FSTL5: variants seen among roughly 807,000 people sequenced by gnomAD.
FSTL5 encodes follistatin like 5, also known as follistatin-related protein 5.
FSTL5 carries 62 observed loss-of-function variants against 89.1 expected under a neutral mutation model. The observed-to-expected ratio is 0.70, with a 90% CI of 0.57 to 0.86. FSTL5 has a LOEUF of 0.86. Among genes scored for constraint, FSTL5 ranks in the 40% least tolerant of loss-of-function variants. The pLI is 0.00. For synonymous variants in FSTL5, 383 were observed against 346.2 expected (o/e 1.11, Z -1.18); for missense variants, 1,057 against 1,001.6 (o/e 1.06, Z -0.75).
intron 4 of FSTL5, among the ~76,000 whole-genome samples, chr4:161,843,717 G>C (rs1002935451): frequency 1.3e-5 from 2 of 152,042 alleles, no homozygotes; most frequent in Non-Finnish European, 2.9e-5. Flanking sequence ...TTAATAAATG[G>C]TGCTGGGAAA....
At chr4:161,423,364 C>T (rs1379759521) in intron 15 of FSTL5, among the ~76,000 whole-genome samples, 1 of 152,112 alleles carries the variant, frequency 6.6e-6, no homozygotes, top group Non-Finnish European at 1.5e-5. Flanking sequence ...GAAATGCTGG[C>T]TATCAAAAGT....
At chr4:161,823,664 G>A (rs1311629437) in intron 4 of FSTL5, among the ~76,000 whole-genome samples, 2 of 152,162 alleles carry the variant, frequency 1.3e-5, no homozygotes, top group African/African-American at 2.4e-5. Flanking sequence ...TGGGGTTCCT[G>A]CCCTGCAAAC....
At chr4:161,780,029 A>G (rs1741604096) in intron 4 of FSTL5, among the ~76,000 whole-genome samples, 1 of 148,754 alleles carries the variant, frequency 6.7e-6, no homozygotes, top group Non-Finnish European at 1.5e-5. Context: ...TTTGAGAGTA[A>G]AATTAAGGTA....
chr4:161,518,435 A>G (rs75350071), intron 10 of FSTL5, among the ~76,000 whole-genome samples: 1 of 152,288 alleles, frequency 6.6e-6, no homozygotes, highest in East Asian at 1.9e-4. Context: ...AAGGTATGAC[A>G]TGGAAGAAGA....
At chr4:162,048,972 G>T (rs1014827664) in intron 2 of FSTL5, among the ~76,000 whole-genome samples, 1 of 152,128 alleles carries the variant, frequency 6.6e-6, no homozygotes, top group East Asian at 1.9e-4. Flanking sequence ...TTGGAACTGA[G>T]ATGTTGGCAT....
intron 7 of FSTL5, among the ~76,000 whole-genome samples, chr4:161,608,253 C>A (rs995756424): frequency 6.6e-6 from 1 of 152,108 alleles, no homozygotes; most frequent in African/African-American, 2.4e-5. Context: ...ATCAGCACAT[C>A]TAATTTTGCA....
rs190150092 is a variant in FSTL5 at position 161,924,964 on chromosome 4, A to G, written c.161-4312T>C. Reference sequence around the variant, plus strand: ...AATTATTGGTTAAAAAGAACAACAGATTTTGGTCATAGAACAGAATTTGAG... The same window carrying G: ...AATTATTGGTTAAAAAGAACAACAGGTTTTGGTCATAGAACAGAATTTGAG... On this transcript the variant is annotated intron_variant, in intron 3 of 15. Coordinates refer to ENST00000306100, the MANE Select transcript of FSTL5 (RefSeq NM_020116.5). Among the ~76,000 whole-genome samples the G allele has an allele frequency of 1.1e-3, 174 of 151,990 alleles. 2 individuals carry two copies. Among genetic ancestry groups the G allele is most frequent in the African/African-American group, 3.7e-3 (154 of 41,524 alleles).
At chr4:161,800,193 C>G (rs1390064068) in intron 4 of FSTL5, among the ~76,000 whole-genome samples, 1 of 151,546 alleles carries the variant, frequency 6.6e-6, no homozygotes, top group East Asian at 1.9e-4. Flanking sequence ...TCTTATTTTT[C>G]CATAAGTGGC....
chr4:161,475,737 A>T (rs1194450275), intron 13 of FSTL5, among the ~76,000 whole-genome samples: 28 of 151,826 alleles, frequency 1.8e-4, no homozygotes, highest in Non-Finnish European at 4.4e-5. Flanking sequence ...GTTCAGGAAT[A>T]CATTCTGTTG....
chr4:161,805,331 C>G (rs1449737912), intron 4 of FSTL5, among the ~76,000 whole-genome samples: 1 of 151,934 alleles, frequency 6.6e-6, no homozygotes, highest in Non-Finnish European at 1.5e-5. Context: ...GATTTATTTG[C>G]TGAGAAAATT....
rs142999188 is a variant in FSTL5, at chr4:162,100,518, C to T, written c.126+10753G>A. On this transcript the variant is annotated intron_variant, in intron 2 of 15. Transcript: ENST00000306100. ...CCAACTATATGATGTTTGGTGAAAA[C>T]GAAAGATGAAGAGGCAAAGCACAGA... Among the ~76,000 whole-genome samples, 16 of 152,112 alleles carry T rather than the reference C, an allele frequency of 1.1e-4. 1 individual carries two copies. Among genetic ancestry groups the T allele is most frequent in the South Asian group, 6.2e-4 (3 of 4,822 alleles).
chr4:161,463,156 G>GAA (rs1045540572), intron 13 of FSTL5, among the ~76,000 whole-genome samples: 1 of 151,966 alleles, frequency 6.6e-6, no homozygotes, highest in Non-Finnish European at 1.5e-5. Context: ...CTATTTGGAG[G>GAA]AAAAAAATAT....
chr4:161,541,084 C>T (rs1731805019), intron 9 of FSTL5, among the ~76,000 whole-genome samples: 1 of 152,072 alleles, frequency 6.6e-6, no homozygotes, highest in South Asian at 2.1e-4. Flanking sequence ...TGGACTTGGA[C>T]TTCACACACA....
At chr4:161,808,361 C>G (rs1230230620) in intron 4 of FSTL5, among the ~76,000 whole-genome samples, 4 of 152,074 alleles carry the variant, frequency 2.6e-5, no homozygotes, top group African/African-American at 9.7e-5. Flanking sequence ...AAGAACTGTA[C>G]AGAGTCCCTG....
intron 2 of FSTL5, among the ~76,000 whole-genome samples, chr4:162,042,982 A>G (rs1352400016): frequency 6.7e-6 from 1 of 149,518 alleles, no homozygotes; most frequent in Non-Finnish European, 1.5e-5. Context: ...GCATTGGGAG[A>G]TATACCTAAT....
chr4:161,507,054 C>A (rs186679556), intron 11 of FSTL5, among the ~76,000 whole-genome samples: 123 of 152,022 alleles, frequency 8.1e-4, no homozygotes, highest in African/African-American at 2.8e-3. Flanking sequence ...CAATATTGAT[C>A]CTGGAGATAT....
At chr4:161,526,326 T>C (rs888940543) in intron 10 of FSTL5, among the ~76,000 whole-genome samples, 3 of 152,188 alleles carry the variant, frequency 2.0e-5, no homozygotes, top group African/African-American at 4.8e-5. Context: ...TCATTAATAA[T>C]CTGATTCTAT....
At chr4:161,749,139 A>G (rs1333290802) in intron 6 of FSTL5, among the ~76,000 whole-genome samples, 1 of 152,162 alleles carries the variant, frequency 6.6e-6, no homozygotes, top group Non-Finnish European at 1.5e-5. Context: ...AACTAAAAGT[A>G]GAACTACCAT....
At chr4:161,389,697 G>C (rs910213689) in intron 15 of FSTL5, among the ~76,000 whole-genome samples, 2 of 152,096 alleles carry the variant, frequency 1.3e-5, no homozygotes, top group Admixed American at 1.3e-4. Flanking sequence ...AGCAGGAAGA[G>C]GATAAAAGTA....
Sources: gnomAD v4.1 joint callset for allele counts (sites outside exome capture counted in the v4.1 genomes callset) on GRCh38, gnomAD v4.1.1 for gene constraint, MANE v1.5 for transcripts, NCBI Gene and HGNC (gene_info 2026-07-23, HGNC 2026-07-21) for gene names.